SLCO2A1: variants seen among roughly 807,000 people sequenced by gnomAD.
SLCO2A1 encodes matrin F/G 1.
SLCO2A1 carries 60 observed loss-of-function variants against 71.7 expected under a neutral mutation model. That is an observed-to-expected ratio of 0.84 (90% CI 0.68 to 1.04). The LOEUF (loss-of-function observed/expected upper bound fraction) is 1.04, where lower values mean the gene tolerates loss of function less well. SLCO2A1 is among the 50% of genes least tolerant of loss of function. The pLI is 0.00. For synonymous variants in SLCO2A1, 308 were observed against 326.7 expected, an observed-to-expected ratio of 0.94 and a Z score of 0.62; for missense variants, 745 against 813.4, an observed-to-expected ratio of 0.92 and a Z score of 1.02.
chr3:133,955,562 A>G (rs10460837), intron 3 of SLCO2A1, among the ~76,000 whole-genome samples: 37,469 of 151,962 alleles, frequency 0.25, 4,866 homozygotes, highest in African/African-American at 0.32. Context: ...ACCCAGCTGG[A>G]AAAGGGGGAG....
intron 1 of SLCO2A1, among the ~76,000 whole-genome samples, chr3:134,027,333 T>TA (rs1338130173): frequency 3.3e-5 from 5 of 152,344 alleles, no homozygotes; most frequent in African/African-American, 1.2e-4. Flanking sequence ...ACCCCTGACC[T>TA]AATCGGTTAT....
At chr3:134,010,597 C>T (rs113732791) in intron 1 of SLCO2A1, among the ~76,000 whole-genome samples, 2,730 of 151,960 alleles carry the variant, frequency 0.018, 57 homozygotes, top group African/African-American at 0.052. Context: ...ACTAAAAAAA[C>T]GCAAAAATTA....
At chr3:134,005,815 A>G (rs959136550) in intron 1 of SLCO2A1, among the ~76,000 whole-genome samples, 5 of 152,242 alleles carry the variant, frequency 3.3e-5, no homozygotes, top group East Asian at 1.9e-4. Flanking sequence ...CTAGATTTGT[A>G]TCAACCTGAT....
At chr3:133,994,682 T>C (rs1372591386) in intron 1 of SLCO2A1, among the ~76,000 whole-genome samples, 1 of 152,270 alleles carries the variant, frequency 6.6e-6, no homozygotes, top group Non-Finnish European at 1.5e-5. Context: ...GGCTTCACAC[T>C]GAAGTCTGCC....
At chr3:133,942,458 C>T (rs997593563) in intron 11 of SLCO2A1, 147 bp downstream of exon 11, 10 of 852,844 alleles carry the variant, frequency 1.2e-5, no homozygotes, top group Non-Finnish European at 1.8e-5. Flanking sequence ...TTCCCCTCAG[C>T]AAAAGAACCT....
Position 133,933,990 on chromosome 3 carries a change from G to A in SLCO2A1, c.*723C>T, listed in dbSNP as rs969180944. ...CAGGGATAACATGTGAGGATCTAAGGACAGAAAGTCCAGGGTTCATATGGA... is the reference window on the plus strand; with the variant it reads ...CAGGGATAACATGTGAGGATCTAAGAACAGAAAGTCCAGGGTTCATATGGA... On this transcript the variant is annotated 3_prime_UTR_variant, in exon 14 of 14. Coordinates refer to ENST00000310926, the MANE Select transcript of SLCO2A1 (RefSeq NM_005630.3). 7 of 152,250 alleles carry A rather than the reference G, an allele frequency of 4.6e-5. No individual in the cohort carries two copies. The highest frequency in any genetic ancestry group is 2.9e-5 in the Non-Finnish European group (2 of 68,056). 9.4% of individuals were successfully genotyped at this position (152,250 alleles called of 1,614,324 possible). A position where few individuals can be genotyped will look rare whatever the true frequency, so the allele number is the denominator to read the frequency against.
rs572538120 is a variant in SLCO2A1 at position 133,952,083 on chromosome 3, G to A, written c.725-739C>T. Among the ~76,000 whole-genome samples the A allele has an allele frequency of 1.4e-4, 21 of 152,320 alleles. No individual in the cohort carries two copies. The East Asian group carries it at 1.7e-3, about 13-fold the overall frequency. On this transcript the variant is annotated intron_variant, in intron 5 of 13. Transcript: ENST00000310926. ...AAAGGGAAGGAGAAGGTGGCAGAAC[G>A]GTTCAGTCAAATCATGACAAGCTTC...
Position 133,947,334 on chromosome 3 carries a change from GTGA to G in SLCO2A1, c.1214_1216del (p.Ile405del). The G allele has an allele frequency of 6.2e-7, 1 of 1,614,144 alleles. No homozygotes were observed. ...AGGAACACAAAGGATCATGGAGATGGTGATGATGGTGGTAGCTATGCGGGGAAT... is the reference window on the plus strand; with the variant it reads ...AGGAACACAAAGGATCATGGAGATGGTGATGGTGGTAGCTATGCGGGGAAT... On this transcript the variant is annotated inframe_deletion, in exon 9 of 14. Transcript: ENST00000310926.
chr3:133,991,765 A>G (rs548286824), intron 1 of SLCO2A1, among the ~76,000 whole-genome samples: 1 of 152,314 alleles, frequency 6.6e-6, no homozygotes, highest in East Asian at 1.9e-4. Context: ...CAGGCCTCCA[A>G]CAGATCTCTC....
intron 2 of SLCO2A1, among the ~76,000 whole-genome samples, chr3:133,975,941 T>C (rs1297792902): frequency 1.3e-5 from 2 of 152,252 alleles, no homozygotes; most frequent in African/African-American, 4.8e-5. Flanking sequence ...ATCTACAGTA[T>C]GTTTTATTTC....
intron 1 of SLCO2A1, among the ~76,000 whole-genome samples, chr3:133,997,407 T>C (rs1444805749): frequency 6.6e-6 from 1 of 152,246 alleles, no homozygotes; most frequent in Non-Finnish European, 1.5e-5. Flanking sequence ...TTTTCACAGA[T>C]GTAATCAAGT....
chr3:133,953,525 A>G, intron 5 of SLCO2A1, 138 bp downstream of exon 5: 1 of 670,594 alleles, frequency 1.5e-6, no homozygotes, highest in South Asian at 1.8e-5. Flanking sequence ...GAGGGACTGC[A>G]GGGATGAGTG....
At chr3:134,029,078 G>T (rs1239886399) in intron 1 of SLCO2A1, among the ~76,000 whole-genome samples, 1 of 152,180 alleles carries the variant, frequency 6.6e-6, no homozygotes, top group Non-Finnish European at 1.5e-5. Flanking sequence ...ATCTGAGCAC[G>T]CGGGTTGGTT....
At chr3:133,979,662 C>G (rs1240366417) in intron 1 of SLCO2A1, 44 bp from the exon 2 acceptor site, 2 of 1,552,006 alleles carry the variant, frequency 1.3e-6, no homozygotes, top group Admixed American at 1.9e-5. Flanking sequence ...GGACGACAAG[C>G]CCTGGCGCCC....
intron 1 of SLCO2A1, among the ~76,000 whole-genome samples, chr3:134,017,438 C>T (rs1272968886): frequency 2.6e-5 from 4 of 152,186 alleles, no homozygotes; most frequent in Admixed American, 1.3e-4. Context: ...CCACGTTGAT[C>T]CTCCAGGATA....
intron 1 of SLCO2A1, among the ~76,000 whole-genome samples, chr3:134,026,323 C>G (rs374867062): frequency 6.6e-6 from 1 of 151,330 alleles, no homozygotes; most frequent in Non-Finnish European, 1.5e-5. Context: ...GGAGTCCCAC[C>G]GGGACTAGAC....
chr3:133,943,141 T>A (rs1169593846), intron 10 of SLCO2A1, among the ~76,000 whole-genome samples: 1 of 152,100 alleles, frequency 6.6e-6, no homozygotes, highest in African/African-American at 2.4e-5. Flanking sequence ...GTTTTTGCTG[T>A]TTGTGTGTTT....
rs548369295 is a variant in SLCO2A1 at position 133,972,082 on chromosome 3, A to G, written c.397+1581T>C. ...AACTTGAGCTACTAGAACGATCTGAAAAAGAGTATAATATAAATATATTTA... is the reference window on the plus strand; with the variant it reads ...AACTTGAGCTACTAGAACGATCTGAGAAAGAGTATAATATAAATATATTTA... On this transcript the variant is annotated intron_variant, in intron 3 of 13. Transcript: ENST00000310926. Among the ~76,000 whole-genome samples, 34 of 152,334 alleles carry G rather than the reference A, an allele frequency of 2.2e-4. No homozygotes were observed. The South Asian group carries it at 6.6e-3, about 30-fold the overall frequency.
intron 11 of SLCO2A1, among the ~76,000 whole-genome samples, chr3:133,939,832 G>A (rs1933369254): frequency 6.6e-6 from 1 of 152,170 alleles, no homozygotes; most frequent in Non-Finnish European, 1.5e-5. Context: ...GGCCCTGAAT[G>A]AAAGCTGACC....
Sources: allele counts gnomAD v4.1 joint callset (sites outside exome capture counted in the v4.1 genomes callset), GRCh38; gene constraint gnomAD v4.1.1; transcripts MANE v1.5; gene names NCBI Gene and HGNC (gene_info 2026-07-23, HGNC 2026-07-21).